Variants in COL24A1 observed in about 807,000 individuals in gnomAD.
The protein encoded by COL24A1 is collagen type XXIV alpha 1 chain.
COL24A1 carries 224 observed loss-of-function variants against 253.9 expected under a neutral mutation model. The ratio of observed to expected loss-of-function variants is 0.88; its 90% CI spans 0.79 to 0.99. The LOEUF (loss-of-function observed/expected upper bound fraction) is 0.99, where lower values mean the gene tolerates loss of function less well. COL24A1 is among the 50% of genes least tolerant of loss of function. The probability of loss-of-function intolerance (pLI) is 0.00; values close to 1 mark genes in which losing one functional copy is unlikely to be tolerated. For missense variants in COL24A1, 2,131 were observed against 2,068.5 expected (o/e 1.03, Z -0.59); for synonymous variants, 685 against 673.7 (o/e 1.02, Z -0.26).
chr1:85,965,139 G>T, intron 22 of COL24A1, 77 bp from the exon 23 acceptor site: 2 of 1,109,870 alleles, frequency 1.8e-6, no homozygotes, highest in Non-Finnish European at 2.6e-6. Flanking sequence ...TAAGATATAT[G>T]AAATTTAGAC....
intron 24 of COL24A1, among the ~76,000 whole-genome samples, chr1:85,954,760 T>A (rs1690261473): frequency 6.6e-6 from 1 of 152,154 alleles, no homozygotes; most frequent in South Asian, 2.1e-4. Context: ...AACAGCTTTA[T>A]TGCTGTTTTA....
intron 37 of COL24A1, among the ~76,000 whole-genome samples, chr1:85,852,714 C>T (rs1677913928): frequency 6.6e-6 from 1 of 152,008 alleles, no homozygotes; most frequent in African/African-American, 2.4e-5. Context: ...AGATGTATTG[C>T]TAGGTACTTA....
rs184654213 is a variant in COL24A1, at chr1:86,132,836, C to T, written c.122-6622G>A. Among the ~76,000 whole-genome samples the T allele has an allele frequency of 6.4e-3, 980 of 151,974 alleles. 15 individuals are homozygous for T. The highest frequency in any genetic ancestry group is 0.023 in the African/African-American group (955 of 41,456). On this transcript the variant is annotated intron_variant, in intron 2 of 59. Transcript: ENST00000370571. The stretch of plus-strand genomic sequence containing the variant: ...CTTTGTTCTTTTGGCTTAGGATGGA[C>T]TTGGCAATGCGGGCTCTTTTTTGGT...
At chr1:86,138,545 G>T (rs1165147479) in intron 2 of COL24A1, among the ~76,000 whole-genome samples, 1 of 152,032 alleles carries the variant, frequency 6.6e-6, no homozygotes, top group East Asian at 1.9e-4. Flanking sequence ...TTTTTAAGGG[G>T]GAGTTTCCCT....
Position 86,065,005 on chromosome 1 carries a change from C to A in COL24A1, c.1708-1246G>T, listed in dbSNP as rs1360895476. ...TCCACAAGTAAAAATATCCACAAAGCTAAGTTTTTTCACTTTTTACAACAG... is the reference window on the plus strand; with the variant it reads ...TCCACAAGTAAAAATATCCACAAAGATAAGTTTTTTCACTTTTTACAACAG... On this transcript the variant is annotated intron_variant, in intron 7 of 59. Transcript: ENST00000370571. 5.9e-5 allele frequency among the ~76,000 whole-genome samples: 9 copies of A among 152,192 alleles called. No individual in the cohort carries two copies. In the East Asian group the frequency reaches 1.5e-3, roughly 26 times the overall value.
intron 5 of COL24A1, among the ~76,000 whole-genome samples, chr1:86,107,705 T>A (rs1230299013): frequency 1.3e-5 from 2 of 151,804 alleles, no homozygotes; most frequent in African/African-American, 4.8e-5. Context: ...CGGCTAATTT[T>A]TTTGTATTTT....
chr1:85,950,155 A>C (rs759237932), intron 24 of COL24A1, among the ~76,000 whole-genome samples: 2 of 152,160 alleles, frequency 1.3e-5, no homozygotes, highest in African/African-American at 2.4e-5. Flanking sequence ...ATATTGTATC[A>C]TAATGGATTT....
chr1:85,833,737 C>A (rs1217214221), intron 43 of COL24A1, among the ~76,000 whole-genome samples: 3 of 152,072 alleles, frequency 2.0e-5, no homozygotes, highest in Admixed American at 2.0e-4. Context: ...CAACGATAGA[C>A]TGGATTAAGA....
At position 85,902,895 on chromosome 1, in the gene COL24A1, G is replaced by A. The variant is rs116050536; in HGVS notation, c.2778+4299C>T. Among the ~76,000 whole-genome samples the A allele has an allele frequency of 8.5e-3, 1,301 of 152,200 alleles. 5 individuals are homozygous for A. The highest frequency in any genetic ancestry group is 0.015 in the Admixed American group (222 of 15,290). On this transcript the variant is annotated intron_variant, in intron 28 of 59. Coordinates refer to ENST00000370571, the MANE Select transcript of COL24A1 (RefSeq NM_152890.7). ...TTTATTGTATATTTCAAAATAACCAGAAGAGTGGACTTGAAATGTTCCCAG... is the reference window on the plus strand; with the variant it reads ...TTTATTGTATATTTCAAAATAACCAAAAGAGTGGACTTGAAATGTTCCCAG...
chr1:85,839,110 G>C (rs776489070), intron 42 of COL24A1, among the ~76,000 whole-genome samples: 4 of 151,950 alleles, frequency 2.6e-5, no homozygotes, highest in Non-Finnish European at 5.9e-5. Context: ...GAAGCAGGGG[G>C]AACACTTGAG....
At chr1:85,791,581 G>GA (rs2101671845) in intron 47 of COL24A1, among the ~76,000 whole-genome samples, 1 of 152,200 alleles carries the variant, frequency 6.6e-6, no homozygotes, top group African/African-American at 2.4e-5. Context: ...CTTACAATTG[G>GA]AAATGATTAA....
chr1:85,953,872 A>G (rs1435424877), intron 24 of COL24A1, among the ~76,000 whole-genome samples: 1 of 152,166 alleles, frequency 6.6e-6, no homozygotes, highest in African/African-American at 2.4e-5. Context: ...GGTTATTAAA[A>G]AATATTATTT....
chr1:85,837,041 G>C (rs914550703), intron 43 of COL24A1, among the ~76,000 whole-genome samples: 1 of 152,160 alleles, frequency 6.6e-6, no homozygotes, highest in Non-Finnish European at 1.5e-5. Context: ...TGGTTTTCCC[G>C]AGACTGTGTG....
rs1181001829 is a variant in COL24A1 at position 85,797,207 on chromosome 1, CAAAAAAAA to C, written c.3952-10754_3952-10747del. On this transcript the variant is annotated intron_variant, in intron 47 of 59. Coordinates refer to ENST00000370571, the MANE Select transcript of COL24A1 (RefSeq NM_152890.7). ...TGGGCGACAGAGCGAGACTCCGTCT[CAAAAAAAA>C]AAAAAAAAAAAAAAAGAACATTCAA... 2.3e-4 allele frequency among the ~76,000 whole-genome samples: 15 copies of C among 66,202 alleles called. No individual in the cohort carries two copies. In the South Asian group the frequency reaches 4.1e-3, roughly 18 times the overall value. The allele number at this position is 66,202 out of a possible 152,430, so 43.4% of individuals were successfully genotyped here. A position where few individuals can be genotyped will look rare whatever the true frequency, so the allele number is the denominator to read the frequency against.
At chr1:86,136,195 C>G (rs1421011515) in intron 2 of COL24A1, among the ~76,000 whole-genome samples, 2 of 152,096 alleles carry the variant, frequency 1.3e-5, no homozygotes, top group Non-Finnish European at 2.9e-5. Context: ...TCTGTCCCCA[C>G]TCATCCATTT....
chr1:85,983,885 C>T (rs946458671), intron 20 of COL24A1, among the ~76,000 whole-genome samples: 3 of 151,752 alleles, frequency 2.0e-5, no homozygotes, highest in Non-Finnish European at 4.4e-5. Flanking sequence ...AAAATCATCC[C>T]AGGATATTCT....
chr1:86,117,662 A>T (rs1433461119), intron 3 of COL24A1, among the ~76,000 whole-genome samples: 1 of 152,222 alleles, frequency 6.6e-6, no homozygotes, highest in Non-Finnish European at 1.5e-5. Flanking sequence ...ATCTTTTACA[A>T]CATAGTATTA....
intron 24 of COL24A1, among the ~76,000 whole-genome samples, chr1:85,947,701 G>C (rs1415034095): frequency 1.3e-5 from 2 of 152,128 alleles, no homozygotes; most frequent in Non-Finnish European, 2.9e-5. Flanking sequence ...ACATTACGAA[G>C]ACTTTACACT....
At chr1:85,969,643 C>G (rs954431283) in intron 22 of COL24A1, among the ~76,000 whole-genome samples, 2 of 106,826 alleles carry the variant, frequency 1.9e-5, no homozygotes, top group African/African-American at 7.0e-5. Context: ...AAAGGAAGAA[C>G]CAGTACTTTA....
Sources: gnomAD v4.1 joint callset for allele counts (sites outside exome capture counted in the v4.1 genomes callset) on GRCh38, gnomAD v4.1.1 for gene constraint, MANE v1.5 for transcripts, NCBI Gene and HGNC (gene_info 2026-07-23, HGNC 2026-07-21) for gene names.